CLDN10: variants seen among roughly 807,000 people sequenced by gnomAD.
CLDN10 encodes claudin-10.
In CLDN10, 15 loss-of-function variants were observed where a neutral mutation model predicts 22.9. The ratio of observed to expected loss-of-function variants is 0.65; its 90% confidence interval spans 0.44 to 1.01. The LOEUF (loss-of-function observed/expected upper bound fraction) is 1.01, where lower values mean the gene tolerates loss of function less well. CLDN10 is among the 50% of genes least tolerant of loss of function. The pLI is 0.00. For missense variants in CLDN10, 247 were observed against 287.8 expected (o/e 0.86, Z 1.03); for synonymous variants, 114 against 111.4 (o/e 1.02, Z -0.15).
At chr13:95,444,865 G>T (rs936898975) in intron 1 of CLDN10, among the ~76,000 whole-genome samples, 2 of 152,134 alleles carry the variant, frequency 1.3e-5, no homozygotes, top group Admixed American at 6.5e-5. Context: ...TGCTATCTCG[G>T]CTCACTACCA....
rs57500288 is a variant in CLDN10 at position 95,532,792 on chromosome 13, C to CAAAAAAAAAAAAAAAAAAAAAAAA, written c.215-27318_215-27317insAAAAAAAAAAAAAAAAAAAAAAAA. Among the ~76,000 whole-genome samples the CAAAAAAAAAAAAAAAAAAAAAAAA allele has an allele frequency of 3.2e-5, 2 of 62,022 alleles. 1 individual carries two copies. Among genetic ancestry groups the CAAAAAAAAAAAAAAAAAAAAAAAA allele is most frequent in the Non-Finnish European group, 5.5e-5 (2 of 36,288 alleles). The allele number at this position is 62,022 out of a possible 152,430, so 40.7% of individuals were successfully genotyped here. ...CTTCAGATACTGGAACTCAATTCAG[C>CAAAAAAAAAAAAAAAAAAAAAAAA]AAAAAAAAAAAAAAAAAAAAAAGAA... is the stretch of plus-strand genomic sequence containing the variant. On this transcript the variant is annotated intron_variant, in intron 1 of 4. Transcript: ENST00000376873.
rs534243360 is a variant in CLDN10 at position 95,525,383 on chromosome 13, T to G, written c.215-34749T>G. Among the ~76,000 whole-genome samples, 3 of 152,342 alleles carry G rather than the reference T, an allele frequency of 2.0e-5. No individual in the cohort carries two copies. The East Asian group carries it at 5.8e-4, about 29-fold the overall frequency. On this transcript the variant is annotated intron_variant, in intron 1 of 4. Transcript: ENST00000376873. The stretch of plus-strand genomic sequence containing the variant: ...TTGAGTTGTAAGAGTTCTTGATATA[T>G]TCTGGACACTAGATCCTTATCATAT...
chr13:95,445,275 C>A (rs773209731), intron 1 of CLDN10, among the ~76,000 whole-genome samples: 9 of 152,116 alleles, frequency 5.9e-5, no homozygotes, highest in Non-Finnish European at 8.8e-5. Flanking sequence ...GTGCACAGAG[C>A]GGGGGAGAAT....
intron 1 of CLDN10, among the ~76,000 whole-genome samples, chr13:95,451,826 A>C (rs141932838): frequency 6.6e-6 from 1 of 152,208 alleles, no homozygotes; most frequent in Non-Finnish European, 1.5e-5. Flanking sequence ...AGCAGACCAC[A>C]GGGCATGGAG....
intron 1 of CLDN10, among the ~76,000 whole-genome samples, chr13:95,500,275 C>A (rs1195415257): frequency 6.6e-6 from 1 of 151,434 alleles, no homozygotes; most frequent in Non-Finnish European, 1.5e-5. Context: ...CAGCATGTTG[C>A]ATGCGAGTGA....
intron 1 of CLDN10, among the ~76,000 whole-genome samples, chr13:95,444,559 A>G (rs1423787072): frequency 1.3e-5 from 2 of 152,202 alleles, no homozygotes; most frequent in Non-Finnish European, 2.9e-5. Context: ...TTGGACGGTT[A>G]AGTTCAGGGG....
chr13:95,554,242 G>A (rs775541130), intron 1 of CLDN10, among the ~76,000 whole-genome samples: 5 of 152,152 alleles, frequency 3.3e-5, no homozygotes. Context: ...TGTAGAGCAC[G>A]CATCCAGGTA....
At chr13:95,524,369 A>G (rs147862443) in intron 1 of CLDN10, among the ~76,000 whole-genome samples, 485 of 152,314 alleles carry the variant, frequency 3.2e-3, no homozygotes, top group Middle Eastern at 6.8e-3. Context: ...AGTGGCTTTT[A>G]GTATATTACT....
At chr13:95,504,517 T>A (rs2043017750) in intron 1 of CLDN10, among the ~76,000 whole-genome samples, 1 of 152,162 alleles carries the variant, frequency 6.6e-6, no homozygotes, top group Non-Finnish European at 1.5e-5. Context: ...GTAGCTGGAA[T>A]TACAAGCATG....
chr13:95,520,377 T>C (rs1413966680), intron 1 of CLDN10, among the ~76,000 whole-genome samples: 3 of 152,200 alleles, frequency 2.0e-5, no homozygotes, highest in African/African-American at 7.2e-5. Flanking sequence ...CCCATTTATT[T>C]ATTTATTTAT....
At chr13:95,482,316 G>A (rs1368010417) in intron 1 of CLDN10, among the ~76,000 whole-genome samples, 2 of 152,156 alleles carry the variant, frequency 1.3e-5, no homozygotes, top group African/African-American at 4.8e-5. Context: ...GGGGAGGTTA[G>A]ATTTGGCCCA....
intron 1 of CLDN10, among the ~76,000 whole-genome samples, chr13:95,504,040 TA>T (rs2043012709): frequency 6.6e-6 from 1 of 152,208 alleles, no homozygotes; most frequent in South Asian, 2.1e-4. Flanking sequence ...TCATGGATAC[TA>T]CATGGAATTA....
intron 1 of CLDN10, among the ~76,000 whole-genome samples, chr13:95,533,454 C>T (rs566612488): frequency 4.6e-5 from 7 of 152,062 alleles, no homozygotes; most frequent in Non-Finnish European, 1.0e-4. Flanking sequence ...AGATATAACA[C>T]TCCCCTAATA....
chr13:95,573,680 T>G (rs910638746), intron 3 of CLDN10, among the ~76,000 whole-genome samples: 14 of 151,486 alleles, frequency 9.2e-5, no homozygotes, highest in East Asian at 3.9e-4. Flanking sequence ...CACACGTCAG[T>G]TTTTTTTGAT....
At chr13:95,525,815 C>T (rs1017317902) in intron 1 of CLDN10, among the ~76,000 whole-genome samples, 2 of 152,010 alleles carry the variant, frequency 1.3e-5, no homozygotes, top group East Asian at 1.9e-4. Context: ...TGTAAGCCAC[C>T]GAGATTCTAG....
chr13:95,482,446 G>C (rs148268132), intron 1 of CLDN10, among the ~76,000 whole-genome samples: 82 of 152,224 alleles, frequency 5.4e-4, no homozygotes, highest in South Asian at 3.9e-3. Flanking sequence ...GTGGCAGAAA[G>C]GGTCTAGAGC....
intron 3 of CLDN10, among the ~76,000 whole-genome samples, chr13:95,561,751 G>A (rs977906267): frequency 6.7e-6 from 1 of 149,938 alleles, no homozygotes; most frequent in African/African-American, 2.4e-5. Context: ...TTCATCAAGA[G>A]GTTTCTTTCG....
At chr13:95,499,466 C>T (rs111747167) in intron 1 of CLDN10, among the ~76,000 whole-genome samples, 6,806 of 152,192 alleles carry the variant, frequency 0.045, 252 homozygotes, top group African/African-American at 0.1. Context: ...CACTTGAACC[C>T]GGGAGGCAGA....
intron 1 of CLDN10, among the ~76,000 whole-genome samples, chr13:95,557,723 A>G (rs772606668): frequency 3.9e-4 from 59 of 152,316 alleles, no homozygotes; most frequent in Non-Finnish European, 6.2e-4. Flanking sequence ...GCTTGTGTCA[A>G]GAGACCAAAG....
Sources: allele counts gnomAD v4.1 joint callset (sites outside exome capture counted in the v4.1 genomes callset), GRCh38; gene constraint gnomAD v4.1.1; transcripts MANE v1.5; gene names NCBI Gene and HGNC (gene_info 2026-07-23, HGNC 2026-07-21).